TADA2A: variants seen among roughly 807,000 people sequenced by gnomAD.
TADA2A encodes transcriptional adapter 2-alpha.
In TADA2A, 38 loss-of-function variants were observed where a neutral mutation model predicts 67.4. The observed-to-expected ratio is 0.56, with a 90% CI of 0.44 to 0.74. TADA2A has a LOEUF of 0.74. TADA2A is among the 30% of genes least tolerant of loss of function. The pLI is 0.00. For synonymous variants in TADA2A, 192 were observed against 181.6 expected (o/e 1.06, Z -0.46); for missense variants, 454 against 547.0 (o/e 0.83, Z 1.70).
chr17:37,435,015 G>A (rs1371960749), intron 4 of TADA2A, among the ~76,000 whole-genome samples: 1 of 152,192 alleles, frequency 6.6e-6, no homozygotes, highest in African/African-American at 2.4e-5. Flanking sequence ...GGGAGGCCCA[G>A]GCGGGCAGAT....
chr17:37,454,651 C>A (rs2053334959), intron 8 of TADA2A: 5 of 254,136 alleles, frequency 2.0e-5, no homozygotes, highest in South Asian at 1.6e-4. Flanking sequence ...CAGAAGAAAG[C>A]ATAAAAAAGG....
At chr17:37,446,306 G>T (rs1490598685) in intron 8 of TADA2A, among the ~76,000 whole-genome samples, 2 of 152,056 alleles carry the variant, frequency 1.3e-5, no homozygotes, top group Non-Finnish European at 2.9e-5. Context: ...CTCACCTCTT[G>T]TGGTGTTCCC....
At chr17:37,470,688 C>A (rs1052492545) in intron 13 of TADA2A, among the ~76,000 whole-genome samples, 156 bp downstream of exon 13, 12 of 151,926 alleles carry the variant, frequency 7.9e-5, no homozygotes, top group African/African-American at 2.4e-4. Context: ...CAGTGCCATA[C>A]TGACAGTTTT....
At chr17:37,455,351 C>T (rs1017617895) in intron 8 of TADA2A, among the ~76,000 whole-genome samples, 13 of 144,390 alleles carry the variant, frequency 9.0e-5, no homozygotes, top group South Asian at 2.2e-4. Context: ...TTTTTTGCTT[C>T]TGAAGTTTGT....
chr17:37,429,943 C>T (rs986697754), intron 4 of TADA2A, among the ~76,000 whole-genome samples: 1 of 152,154 alleles, frequency 6.6e-6, no homozygotes, highest in Non-Finnish European at 1.5e-5. Context: ...GTTAATTTCA[C>T]CAAGGTTATC....
At position 37,419,000 on chromosome 17, in the gene TADA2A, G is replaced by A. The variant is rs1318403254; in HGVS notation, c.26-4509G>A. ...CCTGCCTTTTCCTCCCAAAGTGCTG[G>A]GGTTACAGGCATGACCCACAGAGCC... On this transcript the variant is annotated intron_variant, in intron 2 of 15. Transcript: ENST00000615182. Among the ~76,000 whole-genome samples the A allele has an allele frequency of 2.1e-5, 3 of 145,588 alleles. 1 individual carries two copies. The highest frequency in any genetic ancestry group is 4.6e-5 in the Non-Finnish European group (3 of 65,434).
rs2053026656 is a variant in TADA2A, at chr17:37,444,765, C to T, written c.601C>T (p.His201Tyr). The T allele has an allele frequency of 6.2e-7, 1 of 1,613,654 alleles. No homozygotes were observed. The highest frequency in any genetic ancestry group is 2.2e-5 in the East Asian group (1 of 44,876). The change falls in exon 8 of 16, where the codon CAT becomes TAT. Residue 201 changes from histidine to tyrosine, a missense_variant. By Grantham distance (83) the His-to-Tyr change is moderately conservative. Around this residue, in one of 2 missense-constraint regions of TADA2A, gnomAD observed 403 missense variants for 455.5 expected, o/e 0.88. Coordinates refer to ENST00000615182, the MANE Select transcript of TADA2A (RefSeq NM_001166105.3). ...TGTTGAAGATGACTCGGACATTTTA[C>T]ATGGTAACAGTTTATTTTGTCAAAT... ...DFVEDDSDIL[H>Y]ALKMAVVDIY...
intron 8 of TADA2A, among the ~76,000 whole-genome samples, chr17:37,450,809 C>T (rs7217170): frequency 0.23 from 35,228 of 152,194 alleles, 4,195 homozygotes; most frequent in Middle Eastern, 0.35. Flanking sequence ...GTTGTCCTCC[C>T]TAGGTTATTC....
chr17:37,418,434 G>T (rs188230216), intron 2 of TADA2A, among the ~76,000 whole-genome samples: 1 of 152,206 alleles, frequency 6.6e-6, no homozygotes, highest in East Asian at 1.9e-4. Context: ...GGCTCCCTAG[G>T]GGGGAGTTGA....
chr17:37,433,985 G>T (rs2052649432), intron 4 of TADA2A, among the ~76,000 whole-genome samples: 1 of 151,674 alleles, frequency 6.6e-6, no homozygotes, highest in Non-Finnish European at 1.5e-5. Context: ...CAAAAGAAAT[G>T]AACATTACTA....
intron 10 of TADA2A, 91 bp from the exon 11 acceptor site, chr17:37,465,340 C>G: frequency 1.1e-6 from 1 of 927,742 alleles, no homozygotes; most frequent in Non-Finnish European, 1.6e-6. Flanking sequence ...TAATGTTCTT[C>G]CATTTTACTA....
chr17:37,467,658 A>G (rs1323459804), intron 12 of TADA2A, 133 bp downstream of exon 12: 2 of 733,218 alleles, frequency 2.7e-6, no homozygotes, highest in Admixed American at 3.1e-5. Flanking sequence ...AAACCTTTCC[A>G]GTAAAGTTTT....
At chr17:37,440,283 CA>C (rs2147968824) in intron 5 of TADA2A, among the ~76,000 whole-genome samples, 1 of 152,114 alleles carries the variant, frequency 6.6e-6, no homozygotes, top group South Asian at 2.1e-4. Context: ...ACTTTTTAGT[CA>C]TTATTTCTGT....
intron 6 of TADA2A, 36 bp downstream of exon 6, chr17:37,440,698 C>T: frequency 6.2e-7 from 1 of 1,611,254 alleles, no homozygotes; most frequent in South Asian, 1.1e-5. Context: ...ATATACTTAG[C>T]TCATCCTTGG....
At chr17:37,465,355 T>TAAA in intron 10 of TADA2A, 76 bp from the exon 11 acceptor site, 5 of 990,810 alleles carry the variant, frequency 5.0e-6, no homozygotes, top group Non-Finnish European at 7.3e-6. Context: ...TTACTAATTG[T>TAAA]AAAAAAAAAA....
chr17:37,456,578 G>A (rs2053398685), intron 8 of TADA2A, among the ~76,000 whole-genome samples: 1 of 152,196 alleles, frequency 6.6e-6, no homozygotes, highest in Admixed American at 6.5e-5. Flanking sequence ...TCCAGATTGA[G>A]TTCTGTCTTG....
intron 15 of TADA2A, among the ~76,000 whole-genome samples, chr17:37,476,419 C>G (rs1447942287): frequency 1.3e-5 from 2 of 152,210 alleles, no homozygotes; most frequent in African/African-American, 2.4e-5. Context: ...TCTGCCCCCA[C>G]TGTGCCCCAT....
intron 2 of TADA2A, among the ~76,000 whole-genome samples, chr17:37,417,015 A>G (rs538984135): frequency 6.6e-6 from 1 of 152,310 alleles, no homozygotes; most frequent in South Asian, 2.1e-4. Context: ...AAACCTAAAA[A>G]TGCTCAATAA....
rs187516642 is a variant in TADA2A at position 37,430,520 on chromosome 17, T to G, written c.192+3511T>G. Among the ~76,000 whole-genome samples the G allele has an allele frequency of 5.3e-5, 8 of 152,328 alleles. No individual in the cohort carries two copies. The East Asian group carries it at 1.5e-3, about 29-fold the overall frequency. ...GGATTTCTGAATTCTATGCCTATTT[T>G]TGTCTTGTAATTCTTAGAACTTTGA... On this transcript the variant is annotated intron_variant, in intron 4 of 15. Coordinates refer to ENST00000615182, the MANE Select transcript of TADA2A (RefSeq NM_001166105.3).
Sources: gnomAD v4.1 joint callset for allele counts (sites outside exome capture counted in the v4.1 genomes callset) on GRCh38, gnomAD v4.1.1 for gene constraint, gnomAD v4.1.1 regional missense constraint, MANE v1.5 for transcripts, NCBI Gene and HGNC (gene_info 2026-07-23, HGNC 2026-07-21) for gene names.